The following AMMECR1 variants were observed in gnomAD, a reference collection of about 807,000 sequenced individuals.
The protein encoded by AMMECR1 is AMMECR nuclear protein 1.
In AMMECR1, 3 loss-of-function variants were observed where a neutral mutation model predicts 22.5. That is an observed-to-expected ratio of 0.13 (90% CI 0.06 to 0.35). AMMECR1 has a LOEUF of 0.35. AMMECR1 is among the 10% of genes least tolerant of loss of function. The pLI is 1.00. For missense variants in AMMECR1, 235 were observed against 278.7 expected, an observed-to-expected ratio of 0.84 and a Z score of 1.12; for synonymous variants, 130 against 116.7, an observed-to-expected ratio of 1.11 and a Z score of -0.74.
At chrX:110,279,008 A>G (rs2067839600) in intron 1 of AMMECR1, among the ~76,000 whole-genome samples, 1 of 112,332 alleles carries the variant, frequency 8.9e-6, no homozygotes, top group South Asian at 3.7e-4. Flanking sequence ...CAGAATTTCT[A>G]CATAGCTGTA....
intron 2 of AMMECR1, among the ~76,000 whole-genome samples, chrX:110,362,289 G>T (rs949189840): frequency 3.6e-5 from 4 of 111,529 alleles, no homozygotes; most frequent in African/African-American, 1.3e-4. Context: ...AGTAAAAGTT[G>T]CTTTCATTGC....
chrX:110,320,214 G>A (rs184935624), upstream of AMMECR1, among the ~76,000 whole-genome samples: 3 of 112,186 alleles, frequency 2.7e-5, no homozygotes, highest in Admixed American at 9.4e-5. Context: ...AGAAGAGAAA[G>A]CAGATTGGTT....
rs1212035279 is a variant in AMMECR1 at position 110,194,356 on chromosome X, C to T, written c.*4164G>A. On this transcript the variant is annotated 3_prime_UTR_variant, in exon 6 of 6. Coordinates refer to ENST00000262844, the MANE Select transcript of AMMECR1 (RefSeq NM_015365.3). ...AAGCCATACATGTCATATAAAATGC[C>T]CATTTCCAATAGTTTCTTCAAACTA... is the stretch of plus-strand genomic sequence containing the variant. The T allele has an allele frequency of 9.0e-6, 1 of 111,389 alleles. No individual in the cohort carries two copies. Among genetic ancestry groups the T allele is most frequent in the Non-Finnish European group, 1.9e-5 (1 of 53,056 alleles). The allele number at this position is 111,389 out of a possible 1,213,427, so 9.2% of individuals were successfully genotyped here. A position where few individuals can be genotyped will look rare whatever the true frequency, so the allele number is the denominator to read the frequency against.
intron 2 of AMMECR1, among the ~76,000 whole-genome samples, chrX:110,222,513 G>C (rs376475648): frequency 9.5e-5 from 9 of 95,225 alleles, no homozygotes; most frequent in African/African-American, 3.5e-4. Flanking sequence ...GAGTTAGTGG[G>C]TGCAGTGCAC....
At chrX:110,241,473 A>G (rs2067632218) in intron 2 of AMMECR1, among the ~76,000 whole-genome samples, 1 of 112,146 alleles carries the variant, frequency 8.9e-6, no homozygotes, top group Non-Finnish European at 1.9e-5. Flanking sequence ...CACGTAAACT[A>G]GAAAATCTAG....
chrX:110,401,471 C>A (rs958240501), intron 2 of AMMECR1, among the ~76,000 whole-genome samples: 1 of 111,745 alleles, frequency 8.9e-6, no homozygotes, highest in African/African-American at 3.3e-5. Flanking sequence ...CTGCCTTAAC[C>A]TAACCTTTTC....
intron 2 of AMMECR1, among the ~76,000 whole-genome samples, chrX:110,414,470 A>G (rs1037844086): frequency 6.2e-5 from 7 of 112,685 alleles, no homozygotes; most frequent in Non-Finnish European, 1.3e-4. Context: ...GGTACCAGCC[A>G]CTGTGCCAGG....
intron 1 of AMMECR1, among the ~76,000 whole-genome samples, chrX:110,428,618 GT>G (rs2068771901): frequency 9.0e-6 from 1 of 110,640 alleles, no homozygotes; most frequent in Non-Finnish European, 1.9e-5. Flanking sequence ...TCTCCAAGAT[GT>G]GGCTTTCTAA....
chrX:110,291,954 A>G (rs185572628), intron 1 of AMMECR1, among the ~76,000 whole-genome samples: 11 of 112,143 alleles, frequency 9.8e-5, no homozygotes, highest in Admixed American at 5.7e-4. Context: ...CTGGTTAAAT[A>G]AAACACCCAT....
At position 110,317,826 on chromosome X, in the gene AMMECR1, C is replaced by T; in HGVS notation, c.246G>A (p.Gly82=). The T allele has an allele frequency of 8.7e-7, 1 of 1,153,939 alleles. No homozygotes were observed. Among genetic ancestry groups the T allele is most frequent in the African/African-American group, 1.8e-5 (1 of 56,060 alleles). The change falls in exon 1 of 6, where the codon GGG becomes GGA. Residue 82 remains glycine, a synonymous_variant. Coordinates refer to ENST00000262844, the MANE Select transcript of AMMECR1 (RefSeq NM_015365.3). The part of the protein sequence containing the change: ...PPQGCGGGGG[G]IALSPPPSCG... ...AGCTCGGAGGTGGCGACAGGGCGATCCCCCCGCCGCCGCCGCCGCAGCCCT... is the reference window on the plus strand; with the variant it reads ...AGCTCGGAGGTGGCGACAGGGCGATTCCCCCGCCGCCGCCGCCGCAGCCCT...
chrX:110,378,782 C>T (rs982732021), intron 2 of AMMECR1, among the ~76,000 whole-genome samples: 2 of 111,670 alleles, frequency 1.8e-5, no homozygotes, highest in African/African-American at 6.5e-5. Context: ...ACTGAAATGG[C>T]GCCTGCTGTA....
At chrX:110,349,779 A>G (rs2068204272) in intron 2 of AMMECR1, among the ~76,000 whole-genome samples, 1 of 111,374 alleles carries the variant, frequency 9.0e-6, no homozygotes, top group African/African-American at 3.3e-5. Context: ...TATCATCTTA[A>G]TTTTTCAAAA....
intron 2 of AMMECR1, among the ~76,000 whole-genome samples, chrX:110,248,818 T>C (rs188935233): frequency 1.1e-3 from 129 of 112,354 alleles, no homozygotes; most frequent in African/African-American, 3.9e-3. Context: ...CGAGGCTCTC[T>C]AGTCAGCAGT....
intron 3 of AMMECR1, among the ~76,000 whole-genome samples, chrX:110,206,915 T>G (rs188908003): frequency 8.9e-6 from 1 of 112,102 alleles, no homozygotes; most frequent in South Asian, 3.7e-4. Context: ...GAATCGAAAG[T>G]TGTTTGACAT....
At chrX:110,426,426 G>A (rs927102314) in intron 2 of AMMECR1, among the ~76,000 whole-genome samples, 5 of 111,605 alleles carry the variant, frequency 4.5e-5, no homozygotes, top group Admixed American at 1.9e-4. Flanking sequence ...CTTACAAATA[G>A]TCATGACCAG....
intron 2 of AMMECR1, among the ~76,000 whole-genome samples, chrX:110,245,384 G>A (rs2067653501): frequency 9.0e-6 from 1 of 111,534 alleles, no homozygotes; most frequent in African/African-American, 3.3e-5. Context: ...TCTCCCTACT[G>A]CAATGGAGCT....
chrX:110,336,242 G>A (rs1298199730), intron 2 of AMMECR1, among the ~76,000 whole-genome samples: 1 of 111,823 alleles, frequency 8.9e-6, no homozygotes, highest in African/African-American at 3.3e-5. Flanking sequence ...GAGGTTAGGT[G>A]TTTCATTGCA....
rs780248522 is a variant in AMMECR1 at position 110,214,733 on chromosome X, A to G, written c.699+1785T>C. Among the ~76,000 whole-genome samples the G allele has an allele frequency of 2.7e-5, 3 of 111,769 alleles. No homozygotes were observed. The East Asian group carries it at 8.4e-4, about 31-fold the overall frequency. On this transcript the variant is annotated intron_variant, in intron 3 of 5. Coordinates refer to ENST00000262844, the MANE Select transcript of AMMECR1 (RefSeq NM_015365.3). ...GACACACACACATGCACACACACAGAAACACACATGCCAGAACTGTACTTC... is the reference window on the plus strand; with the variant it reads ...GACACACACACATGCACACACACAGGAACACACATGCCAGAACTGTACTTC...
chrX:110,416,594 A>T (rs189403026), intron 2 of AMMECR1, among the ~76,000 whole-genome samples: 28 of 111,891 alleles, frequency 2.5e-4, no homozygotes, highest in Non-Finnish European at 4.9e-4. Flanking sequence ...TGTGCTGGTT[A>T]GCATGCTACC....
Sources: allele counts gnomAD v4.1 joint callset (sites outside exome capture counted in the v4.1 genomes callset), GRCh38; gene constraint gnomAD v4.1.1; transcripts MANE v1.5; gene names NCBI Gene and HGNC (gene_info 2026-07-23, HGNC 2026-07-21).